The following USP54 variants were observed in gnomAD, a reference collection of about 807,000 sequenced individuals.
USP54 encodes ubiquitin specific peptidase 54.
A neutral mutation model predicts 170.5 loss-of-function variants in USP54; 87 were observed. That is an observed-to-expected ratio of 0.51 (90% CI 0.43 to 0.61). The LOEUF is 0.61. USP54 is among the 20% of genes least tolerant of loss of function. USP54 has a pLI of 0.00. For synonymous variants in USP54, 655 were observed against 742.8 expected (o/e 0.88, Z 1.92); for missense variants, 1,786 against 2,047.8 (o/e 0.87, Z 2.47).
chr10:73,560,053 G>A (rs1440513616), intron 4 of USP54, among the ~76,000 whole-genome samples: 2 of 151,566 alleles, frequency 1.3e-5, no homozygotes, highest in East Asian at 1.9e-4. Context: ...AAAAAAAAAA[G>A]AGGGAATGCA....
chr10:73,551,954 CTA>C (rs1401425087), intron 4 of USP54, among the ~76,000 whole-genome samples: 1 of 152,166 alleles, frequency 6.6e-6, no homozygotes, highest in Non-Finnish European at 1.5e-5. Context: ...ATAGCACTAG[CTA>C]TATGGCATCT....
At chr10:73,499,454 A>C in intron 23 of USP54, 1 of 420,198 alleles carries the variant, frequency 2.4e-6, no homozygotes, top group Non-Finnish European at 4.3e-6. Flanking sequence ...ATAATCTCTC[A>C]TCCACTATAC....
At chr10:73,541,233 T>G in intron 9 of USP54, 142 bp downstream of exon 9, 1 of 1,226,842 alleles carries the variant, frequency 8.2e-7, no homozygotes, top group Non-Finnish European at 1.1e-6. Context: ...AGCACGGGTA[T>G]CTGTACACAA....
intron 1 of USP54, among the ~76,000 whole-genome samples, chr10:73,597,643 G>C (rs891531408): frequency 2.0e-5 from 3 of 152,182 alleles, no homozygotes; most frequent in African/African-American, 7.2e-5. Flanking sequence ...ACTGATTTGA[G>C]TAATAATTAA....
chr10:73,538,227 T>G (rs2065721747), intron 10 of USP54: 1 of 151,882 alleles, frequency 6.6e-6, no homozygotes, highest in Non-Finnish European at 1.5e-5. Context: ...AAGTTTCTCA[T>G]TCAAAACATA....
At position 73,517,057 on chromosome 10, in the gene USP54, G is replaced by C. The variant is rs760667801; in HGVS notation, c.3369C>G (p.Pro1123=). The C allele has an allele frequency of 5.5e-5, 89 of 1,614,048 alleles. No individual in the cohort carries two copies. The highest frequency in any genetic ancestry group is 7.5e-5 in the Non-Finnish European group (88 of 1,180,034). ...GSEETYRPEF[P]STKGLVRSLA... is the part of the protein sequence containing the mutation. ...GAGAACGGACAAGCCCCTTTGTGCT[G>C]GGAAACTCTGGCCTATAGGTCTCCT... The change falls in exon 20 of 24, where the codon CCC becomes CCG. Residue 1123 remains proline, a synonymous_variant. Coordinates refer to ENST00000687698, the MANE Select transcript of USP54 (RefSeq NM_001391956.1).
intron 4 of USP54, among the ~76,000 whole-genome samples, chr10:73,569,990 A>AAATAACTAAT (rs1415215841): frequency 6.7e-6 from 1 of 150,128 alleles, no homozygotes; most frequent in Non-Finnish European, 1.5e-5. Flanking sequence ...CAGTTATTGC[A>AAATAACTAAT]AATAACTAAT....
Position 73,516,513 on chromosome 10 carries a change from G to A in USP54, c.3913C>T (p.His1305Tyr), listed in dbSNP as rs866109402. 2.5e-6 allele frequency: 4 copies of A among 1,614,078 alleles called. No homozygotes were observed. In the Admixed American group the frequency reaches 5.0e-5, roughly 20 times the overall value. The change falls in exon 20 of 24, where the codon CAT (histidine) becomes TAT (tyrosine). Residue 1305 changes from histidine (H) to tyrosine (Y), a missense_variant. Transcript: ENST00000687698. ...TYPERNHILL[H>Y]PHWNQDTEQE... The stretch of plus-strand genomic sequence containing the variant: ...TCTGTGTCTTGGTTCCAATGTGGAT[G>A]CAAAAGGATGTGATTTCTCTCTGGA...
intron 4 of USP54, among the ~76,000 whole-genome samples, chr10:73,547,042 C>T (rs995880865): frequency 1.3e-5 from 2 of 152,178 alleles, no homozygotes; most frequent in South Asian, 4.1e-4. Context: ...TATTTGAATG[C>T]ACATCACTTT....
intron 1 of USP54, among the ~76,000 whole-genome samples, chr10:73,607,656 C>A (rs1425677927): frequency 6.6e-6 from 1 of 151,538 alleles, no homozygotes; most frequent in African/African-American, 2.4e-5. Context: ...CATGGTAAAA[C>A]CCTGTATCTA....
intron 1 of USP54, 58 bp from the exon 2 acceptor site, chr10:73,576,419 T>C (rs1307347237): frequency 3.3e-5 from 5 of 151,654 alleles, no homozygotes; most frequent in African/African-American, 1.2e-4. Flanking sequence ...CTACTGGCTT[T>C]GGACTGTTCT....
intron 1 of USP54, among the ~76,000 whole-genome samples, chr10:73,580,995 T>TC (rs1242380739): frequency 1.3e-5 from 2 of 152,256 alleles, no homozygotes; most frequent in African/African-American, 4.8e-5. Context: ...GCAAATACAC[T>TC]TAAATGATAT....
At position 73,541,290 on chromosome 10, in the gene USP54, T is replaced by C. The variant is rs1476992349; in HGVS notation, c.825+85A>G. On this transcript the variant is annotated intron_variant, in intron 9 of 23. Transcript: ENST00000687698. ...ATTATAATACTTGTCATCTAGGACA[T>C]ACCTGTTTGTCTAGTGCTCACTGCT... 6 of 1,565,514 alleles carry C rather than the reference T, an allele frequency of 3.8e-6. No homozygotes were observed. The Admixed American group carries it at 5.2e-5, about 13-fold the overall frequency.
At position 73,526,709 on chromosome 10, in the gene USP54, C is replaced by A. The variant is rs1269479489; in HGVS notation, c.2132G>T (p.Ser711Ile). The A allele has an allele frequency of 6.2e-7, 1 of 1,614,062 alleles. No individual in the cohort carries two copies. Among genetic ancestry groups the A allele is most frequent in the African/African-American group, 1.3e-5 (1 of 74,936 alleles). Residue 711 changes from serine (S) to isoleucine (I), a missense_variant, in exon 16 of 24, where the codon AGC becomes ATC. Coordinates refer to ENST00000687698, the MANE Select transcript of USP54 (RefSeq NM_001391956.1). ...WRHIPKSHSS[S>I]ILEVDSTASM... ...TGCTGTGGAGTCTACCTCCAGGATG[C>A]TACTGCTGTGCGACTTTGGGATATG... is the stretch of plus-strand genomic sequence containing the variant.
chr10:73,601,606 C>T (rs1589379753), intron 1 of USP54, among the ~76,000 whole-genome samples: 1 of 152,160 alleles, frequency 6.6e-6, no homozygotes, highest in East Asian at 1.9e-4. Flanking sequence ...ATTCAGTCAG[C>T]GTCTAGAGCA....
chr10:73,552,280 G>T (rs1350123815), intron 4 of USP54, among the ~76,000 whole-genome samples: 3 of 152,162 alleles, frequency 2.0e-5, no homozygotes, highest in African/African-American at 7.2e-5. Context: ...GGGCGTTGCG[G>T]TGAGCGCCTA....
At chr10:73,584,411 G>A (rs748889066) in intron 1 of USP54, among the ~76,000 whole-genome samples, 3 of 151,964 alleles carry the variant, frequency 2.0e-5, no homozygotes, top group African/African-American at 4.8e-5. Flanking sequence ...AGACGTTGAC[G>A]TAGTTTGTGA....
chr10:73,608,967 G>GT (rs2079908134), intron 1 of USP54, among the ~76,000 whole-genome samples: 2 of 152,182 alleles, frequency 1.3e-5, no homozygotes, highest in Non-Finnish European at 2.9e-5. Context: ...ATAGATATCA[G>GT]TAAGTACTCC....
At chr10:73,609,944 AG>A (rs988749116) in intron 1 of USP54, among the ~76,000 whole-genome samples, 31 of 150,718 alleles carry the variant, frequency 2.1e-4, no homozygotes, top group African/African-American at 7.1e-4. Flanking sequence ...TGGGAGGCGG[AG>A]GTTGCAGTGA....
Sources: gnomAD v4.1 joint callset for allele counts (sites outside exome capture counted in the v4.1 genomes callset) on GRCh38, gnomAD v4.1.1 for gene constraint, MANE v1.5 for transcripts, NCBI Gene and HGNC (gene_info 2026-07-23, HGNC 2026-07-21) for gene names.